TBC1D23: variants seen among roughly 807,000 people sequenced by gnomAD.
TBC1D23 encodes TBC1 domain family member 23.
Under a neutral mutation model 91.4 loss-of-function variants are expected in TBC1D23, and 55 were observed. The ratio of observed to expected loss-of-function variants is 0.60; its 90% CI spans 0.48 to 0.75. The LOEUF is 0.75. Ranked by LOEUF, TBC1D23 falls within the 30% of genes least tolerant of loss-of-function variation. The probability of loss-of-function intolerance (pLI) is 0.00; values close to 1 mark genes in which losing one functional copy is unlikely to be tolerated. For missense variants in TBC1D23, 725 were observed against 836.1 expected (o/e 0.87, Z 1.64); for synonymous variants, 289 against 281.0 (o/e 1.03, Z -0.28).
intron 15 of TBC1D23, among the ~76,000 whole-genome samples, chr3:100,315,154 C>CTTTTTTTTTTTTTTTTTTTTTTTTT (rs397705981): frequency 1.4e-5 from 1 of 73,664 alleles, no homozygotes; most frequent in Non-Finnish European, 2.4e-5. Context: ...GAGGCAGATT[C>CTTTTTTTTTTTTTTTTTTTTTTTTT]TTTTTTTTTT....
intron 4 of TBC1D23, among the ~76,000 whole-genome samples, chr3:100,288,574 A>G (rs1308505169): frequency 6.6e-6 from 1 of 152,242 alleles, no homozygotes; most frequent in African/African-American, 2.4e-5. Flanking sequence ...GTAAGATAAA[A>G]TGAAATAACT....
intron 11 of TBC1D23, among the ~76,000 whole-genome samples, chr3:100,304,086 T>A (rs1400566110): frequency 2.3e-5 from 2 of 87,668 alleles, no homozygotes; most frequent in African/African-American, 7.1e-5. Context: ...ATTTGGTTGA[T>A]GTCTTTTAAG....
chr3:100,281,766 G>A lies in TBC1D23; in HGVS notation c.190G>A (p.Gly64Ser). 5 of 1,612,316 alleles carry A rather than the reference G, an allele frequency of 3.1e-6. No homozygotes were observed. The highest frequency in any genetic ancestry group is 4.2e-6 in the Non-Finnish European group (5 of 1,178,794). Residue 64 changes from glycine (G) to serine (S), a missense_variant, in exon 3 of 19, where the codon GGT becomes AGT. By Grantham distance (56) the Gly-to-Ser change is moderately conservative. Coordinates refer to ENST00000394144, the MANE Select transcript of TBC1D23 (RefSeq NM_001199198.3). ...WKIALNVAGKGDSLASWDGIL... is the reference protein window; with the variant it reads ...WKIALNVAGKSDSLASWDGIL... The stretch of plus-strand genomic sequence containing the variant: ...GATTGCTCTGAATGTTGCAGGAAAA[G>A]GTGATAGTTTGGCATCATGGGATGG...
chr3:100,271,867 C>G (rs2067602499), intron 1 of TBC1D23, among the ~76,000 whole-genome samples: 2 of 152,188 alleles, frequency 1.3e-5, no homozygotes, highest in South Asian at 4.1e-4. Context: ...GAATTTGCAG[C>G]TTTCTGAATG....
chr3:100,311,909 C>T, intron 15 of TBC1D23, 32 bp downstream of exon 15: 1 of 1,452,604 alleles, frequency 6.9e-7, no homozygotes, highest in South Asian at 1.2e-5. Context: ...TTTTCTTGAA[C>T]CATCCTTTTC....
chr3:100,281,280 C>A (rs1219675153), intron 2 of TBC1D23, among the ~76,000 whole-genome samples: 2 of 152,092 alleles, frequency 1.3e-5, no homozygotes, highest in Non-Finnish European at 2.9e-5. Flanking sequence ...CTACCTGTTG[C>A]ATTTGGATAT....
intron 1 of TBC1D23, among the ~76,000 whole-genome samples, chr3:100,276,174 T>G (rs897484681): frequency 2.0e-5 from 3 of 152,184 alleles, no homozygotes; most frequent in African/African-American, 7.2e-5. Flanking sequence ...TTAAACAGTT[T>G]TCATAAATTT....
At position 100,280,576 on chromosome 3, in the gene TBC1D23, G is replaced by A. The variant is rs77253746; in HGVS notation, c.165+816G>A. On this transcript the variant is annotated intron_variant, in intron 2 of 18. Coordinates refer to ENST00000394144, the MANE Select transcript of TBC1D23 (RefSeq NM_001199198.3). Reference sequence around the variant, plus strand: ...ACCACCTATAGGTAAAACAGATGAGGTCTTGGTGCTTACCTTTTTACCTTT... The same window carrying A: ...ACCACCTATAGGTAAAACAGATGAGATCTTGGTGCTTACCTTTTTACCTTT... 6.6e-5 allele frequency among the ~76,000 whole-genome samples: 10 copies of A among 152,286 alleles called. No homozygotes were observed. In the East Asian group the frequency reaches 1.7e-3, roughly 26 times the overall value.
intron 4 of TBC1D23, among the ~76,000 whole-genome samples, chr3:100,286,501 C>CTT (rs11370481): frequency 4.8e-5 from 7 of 146,356 alleles, no homozygotes; most frequent in African/African-American, 5.0e-5. Flanking sequence ...AACATATCTT[C>CTT]TTTTTTTTTT....
intron 16 of TBC1D23, among the ~76,000 whole-genome samples, chr3:100,318,527 A>G (rs943980659): frequency 6.6e-6 from 1 of 152,136 alleles, no homozygotes; most frequent in Non-Finnish European, 1.5e-5. Flanking sequence ...TTAAAAGTGT[A>G]TTCTTAATAT....
intron 12 of TBC1D23, among the ~76,000 whole-genome samples, chr3:100,306,059 C>A (rs1326579840): frequency 6.6e-6 from 1 of 152,154 alleles, no homozygotes; most frequent in African/African-American, 2.4e-5. Context: ...TGATTGATAT[C>A]TCCTTATGGT....
At chr3:100,261,150 C>T in intron 1 of TBC1D23, 79 bp downstream of exon 1, 1 of 1,426,336 alleles carries the variant, frequency 7.0e-7, no homozygotes, top group Non-Finnish European at 9.9e-7. Context: ...GAGGAGCCGT[C>T]TGGCGTCGGC....
At chr3:100,310,258 A>C in intron 13 of TBC1D23, 145 bp from the exon 14 acceptor site, 1 of 714,954 alleles carries the variant, frequency 1.4e-6, no homozygotes, top group Non-Finnish European at 2.3e-6. Flanking sequence ...AAATACAGTC[A>C]CATTCTGAGA....
intron 4 of TBC1D23, among the ~76,000 whole-genome samples, chr3:100,288,077 A>AC (rs1227466757): frequency 6.6e-6 from 1 of 151,854 alleles, no homozygotes; most frequent in Non-Finnish European, 1.5e-5. Context: ...CCCTGATCCT[A>AC]CAAAAAAAAT....
At chr3:100,284,899 A>T (rs1030629242) in intron 4 of TBC1D23, among the ~76,000 whole-genome samples, 2 of 152,168 alleles carry the variant, frequency 1.3e-5, no homozygotes, top group Non-Finnish European at 2.9e-5. Flanking sequence ...TCTCTTGGTG[A>T]TGGGACCTAG....
chr3:100,319,430 C>A (rs897487238), intron 17 of TBC1D23, among the ~76,000 whole-genome samples: 1 of 151,010 alleles, frequency 6.6e-6, no homozygotes, highest in Non-Finnish European at 1.5e-5. Flanking sequence ...CCTTATGATT[C>A]TTTTTTTTTC....
In TBC1D23 at chr3:100,322,388, C is replaced by T. The variant is rs561453454; in HGVS notation, c.2019-1199C>T. ...GATTACAGGAGTGAGCCACCGTGCC[C>T]GGCCCAATAAATATAAATTCTTAGC... On this transcript the variant is annotated intron_variant, in intron 18 of 18. Coordinates refer to ENST00000394144, the MANE Select transcript of TBC1D23 (RefSeq NM_001199198.3). Among the ~76,000 whole-genome samples, 4 of 152,232 alleles carry T rather than the reference C, an allele frequency of 2.6e-5. No homozygotes were observed. In the East Asian group the frequency reaches 7.7e-4, roughly 29 times the overall value.
chr3:100,279,079 T>G (rs552502873), intron 1 of TBC1D23, among the ~76,000 whole-genome samples: 139 of 152,368 alleles, frequency 9.1e-4, no homozygotes, highest in African/African-American at 3.2e-3. Flanking sequence ...ACTGCTGATA[T>G]GACATGTGAC....
In TBC1D23 at chr3:100,311,893, G is replaced by A; in HGVS notation, c.1598+16G>A. On this transcript the variant is annotated intron_variant, in intron 15 of 18. Transcript: ENST00000394144. ...GTACAGAGCGGTAAGCCAATGAGTAGAGCATTTTTCTTGAACCATCCTTTT... is the reference window on the plus strand; with the variant it reads ...GTACAGAGCGGTAAGCCAATGAGTAAAGCATTTTTCTTGAACCATCCTTTT... 1 of 1,523,866 alleles carries A rather than the reference G, an allele frequency of 6.6e-7. No individual in the cohort carries two copies. The highest frequency in any genetic ancestry group is 8.8e-7 in the Non-Finnish European group (1 of 1,135,594). The allele number at this position is 1,523,866 out of a possible 1,614,324, so 94.4% of individuals were successfully genotyped here.
Sources: allele counts gnomAD v4.1 joint callset (sites outside exome capture counted in the v4.1 genomes callset), GRCh38; gene constraint gnomAD v4.1.1; transcripts MANE v1.5; gene names NCBI Gene and HGNC (gene_info 2026-07-23, HGNC 2026-07-21).